TAF1: variants seen among roughly 807,000 people sequenced by gnomAD.
TAF1 encodes the protein TATA-box binding protein associated factor 1.
Under a neutral mutation model 138.5 loss-of-function variants are expected in TAF1, and 2 were observed. The observed-to-expected ratio is 0.01, with a 90% confidence interval of 0.01 to 0.05. The LOEUF (loss-of-function observed/expected upper bound fraction) is 0.05, where lower values mean the gene tolerates loss of function less well. Among genes scored for constraint, TAF1 ranks in the 10% least tolerant of loss-of-function variants. The pLI is 1.00. For synonymous variants in TAF1, 437 were observed against 503.2 expected (o/e 0.87, Z 1.76); for missense variants, 709 against 1,478.0 (o/e 0.48, Z 8.53).
intron 3 of TAF1, among the ~76,000 whole-genome samples, chrX:71,372,495 T>A (rs1221971866): frequency 6.9e-5 from 7 of 101,216 alleles, no homozygotes; most frequent in Non-Finnish European, 4.0e-5. Flanking sequence ...ACTGATAAAG[T>A]ATCGTAGGAC....
At chrX:71,412,391 A>T in intron 28 of TAF1, among the ~76,000 whole-genome samples, 1 of 110,954 alleles carries the variant, frequency 9.0e-6, no homozygotes, top group Non-Finnish European at 1.9e-5. Context: ...GGCCTCCCAA[A>T]GTGCTGGGAT....
At chrX:71,485,265 C>T (rs2039150566) in intron 13 of TAF1, among the ~76,000 whole-genome samples, 1 of 112,222 alleles carries the variant, frequency 8.9e-6, no homozygotes. Context: ...TACTTTTCAC[C>T]GAGCTTCCCC....
At chrX:71,470,146 T>C (rs775498723), downstream of TAF1, among the ~76,000 whole-genome samples, 2 of 111,951 alleles carry the variant, frequency 1.8e-5, no homozygotes, top group Non-Finnish European at 3.8e-5. Context: ...AGGTTCTCTC[T>C]AGACTGTGGG....
intron 13 of TAF1, among the ~76,000 whole-genome samples, chrX:71,508,606 G>GAAAAAAAAAAAAA (rs1298001093): frequency 2.6e-5 from 1 of 38,482 alleles, no homozygotes. Context: ...CCCTGTCTCT[G>GAAAAAAAAAAAAA]AAAAAAAAAA....
At chrX:71,516,501 G>A (rs1182693651) in intron 13 of TAF1, among the ~76,000 whole-genome samples, 12 of 110,071 alleles carry the variant, frequency 1.1e-4, no homozygotes, top group Non-Finnish European at 1.9e-4. Flanking sequence ...GATGGGCCAC[G>A]TGCAGCGGCT....
chrX:71,516,907 T>G (rs947978265), intron 13 of TAF1, among the ~76,000 whole-genome samples: 2 of 110,491 alleles, frequency 1.8e-5, no homozygotes, highest in Non-Finnish European at 3.8e-5. Flanking sequence ...ATTTTTATTT[T>G]TAGCAGAGAC....
At chrX:71,496,755 GTCTCTTTC>G (rs1173667229) in intron 13 of TAF1, among the ~76,000 whole-genome samples, 4 of 109,276 alleles carry the variant, frequency 3.7e-5, no homozygotes, top group Admixed American at 2.9e-4. Context: ...CTGACTTTCT[GTCTCTTTC>G]TCTCTTTCTC....
chrX:71,497,374 C>T (rs1375915280), intron 13 of TAF1, among the ~76,000 whole-genome samples: 1 of 111,532 alleles, frequency 9.0e-6, no homozygotes, highest in Non-Finnish European at 1.9e-5. Flanking sequence ...GAAGTAGCAC[C>T]TGGTATCTGA....
chrX:71,478,177 C>T (rs2039011311), intron 13 of TAF1, among the ~76,000 whole-genome samples: 1 of 110,144 alleles, frequency 9.1e-6, no homozygotes, highest in Non-Finnish European at 1.9e-5. Context: ...CATGGTGAAA[C>T]CCTATCTCTA....
chrX:71,512,444 T>G (rs2039750088), intron 13 of TAF1, among the ~76,000 whole-genome samples: 1 of 112,000 alleles, frequency 8.9e-6, no homozygotes, highest in Non-Finnish European at 1.9e-5. Flanking sequence ...GACAAAACAC[T>G]GGGGGACATT....
At position 71,420,270 on chromosome X, in the gene TAF1, A is replaced by G. The variant is rs2036260394; in HGVS notation, c.4385-1039A>G. 1.3e-5 allele frequency: 13 copies of G among 1,014,264 alleles called. No homozygotes were observed. The South Asian group carries it at 2.5e-4, about 19-fold the overall frequency. The allele number at this position is 1,014,264 out of a possible 1,213,427, so 83.6% of individuals were successfully genotyped here. A position where few individuals can be genotyped will look rare whatever the true frequency, so the allele number is the denominator to read the frequency against. ...TGGTCTGTTGGTTCATTTTGGGATC[A>G]CCTTGATTTGCCTTCCTCTAAATAG... On this transcript the variant is annotated intron_variant, in intron 28 of 37. Coordinates refer to ENST00000423759, the MANE Select transcript of TAF1 (RefSeq NM_004606.5).
intron 32 of TAF1, among the ~76,000 whole-genome samples, chrX:71,446,207 G>A (rs764364572): frequency 9.0e-6 from 1 of 111,167 alleles, no homozygotes; most frequent in Non-Finnish European, 1.9e-5. Flanking sequence ...CACTGTGCCC[G>A]GCCTAGTTGT....
In TAF1 at chrX:71,366,503, G is replaced by A. The variant is rs778738983; in HGVS notation, c.120+9G>A. On this transcript the variant is annotated intron_variant, in intron 1 of 37. Transcript: ENST00000423759. ...AAAGCGTCTTGGATGATGTGAGGGG[G>A]TGGGCGTGGGGGTAGGGCTCGGGGG... 3 of 1,104,696 alleles carry A rather than the reference G, an allele frequency of 2.7e-6. No individual in the cohort carries two copies. The highest frequency in any genetic ancestry group is 3.6e-6 in the Non-Finnish European group (3 of 831,190). The allele number at this position is 1,104,696 out of a possible 1,213,427, so 91.0% of individuals were successfully genotyped here.
At chrX:71,525,920 C>T (rs771570500) in intron 13 of TAF1, among the ~76,000 whole-genome samples, 4 of 109,414 alleles carry the variant, frequency 3.7e-5, no homozygotes, top group Non-Finnish European at 3.8e-5. Flanking sequence ...CCACTTTGGC[C>T]TCCCAAAGTG....
chrX:71,440,777 C>T lies in TAF1; in HGVS notation c.4754-13393C>T, dbSNP rs984676299. Among the ~76,000 whole-genome samples, 10 of 111,197 alleles carry T rather than the reference C, an allele frequency of 9.0e-5. 1 individual carries two copies. Among genetic ancestry groups the T allele is most frequent in the Non-Finnish European group, 1.9e-4 (10 of 53,026 alleles). ...GTTCTTCTATTGTGATTTTACTTGG[C>T]ATTTTTCTTTTTTTAAATTAAAAAC... On this transcript the variant is annotated intron_variant, in intron 32 of 37. Coordinates refer to ENST00000423759, the MANE Select transcript of TAF1 (RefSeq NM_004606.5).
rs568034495 is a variant in TAF1, at chrX:71,503,639, G to A, written c.1367-24903G>A. Among the ~76,000 whole-genome samples, 17 of 109,771 alleles carry A rather than the reference G, an allele frequency of 1.5e-4. No homozygotes were observed. The South Asian group carries it at 6.6e-3, about 42-fold the overall frequency. On this transcript the variant is annotated intron_variant and NMD_transcript_variant, in intron 13 of 14. Transcript: ENST00000373775. ...TCTGGAGTATGTGATAAAACATCTT[G>A]TCTAGTGGATTTGTATAAATCCTTC...
At chrX:71,377,949 A>G in intron 6 of TAF1, 128 bp downstream of exon 6, 3 of 848,832 alleles carry the variant, frequency 3.5e-6, no homozygotes, top group Non-Finnish European at 4.8e-6. Flanking sequence ...ATTTTCAATG[A>G]GTAATCATGG....
chrX:71,503,342 A>ATATATATATATATGTG (rs1569408546), intron 13 of TAF1, among the ~76,000 whole-genome samples: 30 of 96,574 alleles, frequency 3.1e-4, no homozygotes, highest in African/African-American at 1.2e-3. Context: ...ATATATATAT[A>ATATATATATATATGTG]TGTGTATATA....
At chrX:71,475,696 G>A (rs2038970061) in intron 13 of TAF1, among the ~76,000 whole-genome samples, 1 of 111,059 alleles carries the variant, frequency 9.0e-6, no homozygotes, top group Non-Finnish European at 1.9e-5. Flanking sequence ...ACTTAAATAA[G>A]TGGAGAGACA....
Sources: allele counts gnomAD v4.1 joint callset (sites outside exome capture counted in the v4.1 genomes callset), GRCh38; gene constraint gnomAD v4.1.1; transcripts MANE v1.5; gene names NCBI Gene and HGNC (gene_info 2026-07-23, HGNC 2026-07-21).